Variants in NOX4 observed in about 807,000 individuals in gnomAD.
NOX4 encodes the protein kidney oxidase-1.
In NOX4, 69 loss-of-function variants were observed where a neutral mutation model predicts 87.6. The ratio of observed to expected loss-of-function variants is 0.79; its 90% CI spans 0.65 to 0.96. NOX4 has a LOEUF of 0.96. NOX4 is among the 40% of genes least tolerant of loss of function. The pLI is 0.00. For synonymous variants in NOX4, 275 were observed against 238.2 expected (o/e 1.15, Z -1.42); for missense variants, 680 against 681.5 (o/e 1.00, Z 0.02).
chr11:89,430,857 T>G (rs1943739838), intron 7 of NOX4, among the ~76,000 whole-genome samples: 1 of 152,144 alleles, frequency 6.6e-6, no homozygotes. Flanking sequence ...AAAACTACTT[T>G]AAAGTTCATA....
At chr11:89,356,338 G>C (rs12418546) in intron 12 of NOX4, among the ~76,000 whole-genome samples, 2,646 of 151,060 alleles carry the variant, frequency 0.018, 126 homozygotes, top group Admixed American at 0.1. Context: ...TGCATATCAT[G>C]AGCTAAGAAT....
chr11:89,474,352 C>T (rs1946076708), intron 2 of NOX4, among the ~76,000 whole-genome samples: 1 of 150,052 alleles, frequency 6.7e-6, no homozygotes, highest in South Asian at 2.1e-4. Context: ...ACCAATACAT[C>T]ACATCTTGGA....
At chr11:89,471,242 T>C (rs895363943) in intron 2 of NOX4, among the ~76,000 whole-genome samples, 2 of 152,176 alleles carry the variant, frequency 1.3e-5, no homozygotes, top group East Asian at 3.9e-4. Context: ...CATATAAAGC[T>C]AGCAAGGGGC....
the NOX4 span, among the ~76,000 whole-genome samples, chr11:89,507,383 A>G: frequency 6.6e-6 from 1 of 151,290 alleles, no homozygotes; most frequent in African/African-American, 2.4e-5. Flanking sequence ...TATGCTATAT[A>G]TAATATATAA....
At chr11:89,499,471 G>A (rs1946995170), upstream of NOX4, among the ~76,000 whole-genome samples, 1 of 152,150 alleles carries the variant, frequency 6.6e-6, no homozygotes, top group Admixed American at 6.5e-5. Flanking sequence ...ACTTGTTACA[G>A]AAGAAGTTCA....
chr11:89,454,906 C>A (rs1945120102), intron 2 of NOX4, among the ~76,000 whole-genome samples: 1 of 152,086 alleles, frequency 6.6e-6, no homozygotes, highest in South Asian at 2.1e-4. Flanking sequence ...TTTACCTTGT[C>A]AAAAGTCAAA....
intron 7 of NOX4, among the ~76,000 whole-genome samples, chr11:89,422,795 A>ATTTTTTTT (rs147956211): frequency 1.8e-5 from 2 of 110,978 alleles, no homozygotes; most frequent in Admixed American, 1.0e-4. Context: ...CAAAGTTCTG[A>ATTTTTTTT]TTTTTTTTTT....
At chr11:89,369,425 A>C (rs1380514745) in intron 12 of NOX4, among the ~76,000 whole-genome samples, 1 of 152,098 alleles carries the variant, frequency 6.6e-6, no homozygotes, top group African/African-American at 2.4e-5. Flanking sequence ...CAATCTCTAT[A>C]AGAGCGGAGA....
chr11:89,429,641 C>G (rs926047370), intron 7 of NOX4, among the ~76,000 whole-genome samples: 2 of 151,938 alleles, frequency 1.3e-5, no homozygotes, highest in Non-Finnish European at 2.9e-5. Context: ...AAACATACAC[C>G]CTCCCAAGAC....
the NOX4 span, among the ~76,000 whole-genome samples, chr11:89,528,951 G>A: frequency 6.6e-6 from 1 of 152,116 alleles, no homozygotes; most frequent in Non-Finnish European, 1.5e-5. Flanking sequence ...ATTCTCACAA[G>A]TCCCTTCTCC....
At chr11:89,582,300 G>GT in the NOX4 span, among the ~76,000 whole-genome samples, 24 of 151,884 alleles carry the variant, frequency 1.6e-4, no homozygotes, top group African/African-American at 5.8e-4. Context: ...GGATATTTAG[G>GT]TTTTTTCCAT....
chr11:89,416,668 A>G (rs933301767), intron 8 of NOX4, among the ~76,000 whole-genome samples: 2 of 152,124 alleles, frequency 1.3e-5, no homozygotes, highest in Non-Finnish European at 2.9e-5. Context: ...CTATCCGCCT[A>G]TGACACTGCC....
At chr11:89,387,494 G>A (rs1052547547) in intron 11 of NOX4, among the ~76,000 whole-genome samples, 2 of 152,072 alleles carry the variant, frequency 1.3e-5, no homozygotes, top group African/African-American at 4.8e-5. Context: ...GTACCCAGGT[G>A]ATTAAAAAGC....
chr11:89,528,160 C>A, the NOX4 span, among the ~76,000 whole-genome samples: 1 of 152,188 alleles, frequency 6.6e-6, no homozygotes, highest in African/African-American at 2.4e-5. Flanking sequence ...GGGCCTGTAG[C>A]CACTTCGTTT....
chr11:89,413,818 G>T (rs1237716375), intron 8 of NOX4, among the ~76,000 whole-genome samples: 2 of 152,018 alleles, frequency 1.3e-5, no homozygotes, highest in East Asian at 1.9e-4. Context: ...TTGAGATTAT[G>T]AATATCTCAT....
chr11:89,416,028 T>C (rs1298883272), intron 8 of NOX4, among the ~76,000 whole-genome samples: 1 of 152,132 alleles, frequency 6.6e-6, no homozygotes, highest in Non-Finnish European at 1.5e-5. Flanking sequence ...TTTGTGGCTC[T>C]AGCTCAAAGT....
upstream of NOX4, among the ~76,000 whole-genome samples, chr11:89,494,832 A>G (rs916871036): frequency 2.0e-5 from 3 of 152,248 alleles, no homozygotes; most frequent in African/African-American, 7.2e-5. Flanking sequence ...ACAAATCACT[A>G]CAGATGTCAT....
chr11:89,453,946 A>T (rs949282104), intron 2 of NOX4, among the ~76,000 whole-genome samples: 2 of 152,170 alleles, frequency 1.3e-5, no homozygotes, highest in African/African-American at 4.8e-5. Context: ...GTGGTTTTAG[A>T]CAACCACCCT....
chr11:89,331,161 T>A (rs1380287576), intron 17 of NOX4, among the ~76,000 whole-genome samples: 1 of 151,912 alleles, frequency 6.6e-6, no homozygotes, highest in Non-Finnish European at 1.5e-5. Flanking sequence ...AAATCCCAAT[T>A]GAACTAGAAA....
Sources: allele counts gnomAD v4.1 joint callset (sites outside exome capture counted in the v4.1 genomes callset), GRCh38; gene constraint gnomAD v4.1.1; transcripts MANE v1.5; gene names NCBI Gene and HGNC (gene_info 2026-07-23, HGNC 2026-07-21).